MASP2: variants seen among roughly 807,000 people sequenced by gnomAD.
MASP2 encodes MBL associated serine protease 2.
A neutral mutation model predicts 57.1 loss-of-function variants in MASP2; 49 were observed. The ratio of observed to expected loss-of-function variants is 0.86; its 90% CI spans 0.68 to 1.09. MASP2 has a LOEUF of 1.09. Ranked by LOEUF, MASP2 falls within the 50% of genes least tolerant of loss-of-function variation. The pLI, the probability that MASP2 is intolerant of heterozygous loss-of-function variation, is 0.00. For synonymous variants in MASP2, 379 were observed against 340.8 expected, an observed-to-expected ratio of 1.11 and a Z score of -1.24; for missense variants, 900 against 874.8, an observed-to-expected ratio of 1.03 and a Z score of -0.36.
rs184685272 is a variant in MASP2 at position 11,033,139 on chromosome 1, A to G, written c.1087+1689T>C. On this transcript the variant is annotated intron_variant, in intron 8 of 10. Transcript: ENST00000400897. ...AGGGCGGGAGTTCGAGACCAGCCTG[A>G]CCAACATGGAGAAACCCCGTCTCTA... 6.3e-3 allele frequency among the ~76,000 whole-genome samples: 952 copies of G among 150,220 alleles called. 20 individuals carry two copies. The East Asian group carries it at 0.084, about 13-fold the overall frequency.
At chr1:11,045,584 G>A in intron 3 of MASP2, 45 bp from the exon 4 acceptor site, 1 of 1,561,812 alleles carries the variant, frequency 6.4e-7, no homozygotes, top group Non-Finnish European at 8.6e-7. Flanking sequence ...AGGGAAAGAG[G>A]CGGGATCCAG....
At chr1:11,039,150 C>T (rs901057795) in intron 6 of MASP2, among the ~76,000 whole-genome samples, 5 of 152,234 alleles carry the variant, frequency 3.3e-5, no homozygotes, top group Non-Finnish European at 7.3e-5. Flanking sequence ...GTGAGGTCCT[C>T]CTTTGGACTC....
At position 11,030,173 on chromosome 1, in the gene MASP2, T is replaced by G. The variant is rs1395777165; in HGVS notation, c.1297+3A>C. On this transcript the variant is annotated splice_donor_region_variant and intron_variant, in intron 10 of 10. Coordinates refer to ENST00000400897, the MANE Select transcript of MASP2 (RefSeq NM_006610.4). ...CAGTCTCTTGTATAAATGTATCCAT[T>G]ACCAGGCTCACAGACTGGGAGTGAT... 2 of 1,607,972 alleles carry G rather than the reference T, an allele frequency of 1.2e-6. No homozygotes were observed. Among genetic ancestry groups the G allele is most frequent in the African/African-American group, 2.7e-5 (2 of 74,796 alleles).
At chr1:11,038,312 G>T (rs1334153801) in intron 6 of MASP2, among the ~76,000 whole-genome samples, 4 of 152,196 alleles carry the variant, frequency 2.6e-5, no homozygotes, top group Non-Finnish European at 1.5e-5. Context: ...CTGTTGTGAA[G>T]ATCAAATACA....
chr1:11,046,873 C>T lies in MASP2; in HGVS notation c.234+18G>A, dbSNP rs748312996. Reference sequence around the variant, plus strand: ...CCCCCGACCCTGAGAAACCCCAGCCCTCCCGTCCTGACGGCACCTTGACGA... The same window carrying T: ...CCCCCGACCCTGAGAAACCCCAGCCTTCCCGTCCTGACGGCACCTTGACGA... On this transcript the variant is annotated intron_variant, in intron 2 of 10. Coordinates refer to ENST00000400897, the MANE Select transcript of MASP2 (RefSeq NM_006610.4). 1.9e-6 allele frequency: 3 copies of T among 1,557,146 alleles called. No homozygotes were observed. Among genetic ancestry groups the T allele is most frequent in the Non-Finnish European group, 2.6e-6 (3 of 1,149,780 alleles).
intron 10 of MASP2, among the ~76,000 whole-genome samples, chr1:11,027,872 T>C (rs540911658): frequency 6.6e-6 from 1 of 152,222 alleles, no homozygotes; most frequent in Non-Finnish European, 1.5e-5. Flanking sequence ...AAAATGAGAT[T>C]AGTGAAAACT....
At position 11,033,965 on chromosome 1, in the gene MASP2, A is replaced by ACTCT. The variant is rs796583650; in HGVS notation, c.1087+859_1087+862dup. On this transcript the variant is annotated intron_variant, in intron 8 of 10. Transcript: ENST00000400897. ...CACACACACACACACACACACACAC[A>ACTCT]CTCTCTCTCTCTCTCTCTCTCACAC... Among the ~76,000 whole-genome samples the ACTCT allele has an allele frequency of 8.4e-4, 13 of 15,474 alleles. No homozygotes were observed. The East Asian group carries it at 8.5e-3, about 10-fold the overall frequency. The allele number at this position is 15,474 out of a possible 152,430, so 10.2% of individuals were successfully genotyped here. A position where few individuals can be genotyped will look rare whatever the true frequency, so the allele number is the denominator to read the frequency against.
At chr1:11,027,759 A>C in intron 10 of MASP2, 111 bp from the exon 11 acceptor site, 1 of 1,167,970 alleles carries the variant, frequency 8.6e-7, no homozygotes, top group Non-Finnish European at 1.2e-6. Flanking sequence ...AAATTATATT[A>C]CATGAATTGG....
chr1:11,030,113 C>G lies in MASP2; in HGVS notation c.1297+63G>C, dbSNP rs951397507. ...CCTACCACAGCTAAAGCTCTCCTCACTGTCTCCTACCCAGTCCTCCTTTCC... is the reference window on the plus strand; with the variant it reads ...CCTACCACAGCTAAAGCTCTCCTCAGTGTCTCCTACCCAGTCCTCCTTTCC... On this transcript the variant is annotated intron_variant, in intron 10 of 10. Coordinates refer to ENST00000400897, the MANE Select transcript of MASP2 (RefSeq NM_006610.4). The G allele has an allele frequency of 4.9e-6, 6 of 1,217,984 alleles. No homozygotes were observed. In the African/African-American group the frequency reaches 9.1e-5, roughly 18 times the overall value. The allele number at this position is 1,217,984 out of a possible 1,614,324, so 75.4% of individuals were successfully genotyped here.
intron 7 of MASP2, among the ~76,000 whole-genome samples, 178 bp downstream of exon 7, chr1:11,037,515 A>T (rs1052974327): frequency 6.6e-6 from 1 of 152,218 alleles, no homozygotes; most frequent in African/African-American, 2.4e-5. Flanking sequence ...CATTTTCCAT[A>T]GCCATCCTTT....
chr1:11,044,816 A>T, intron 4 of MASP2: 1 of 1,400,262 alleles, frequency 7.1e-7, no homozygotes, highest in East Asian at 3.5e-5. Context: ...GGCCAGGTTT[A>T]TTATTGGGTC....
In MASP2 at chr1:11,027,607, C is replaced by T; in HGVS notation, c.1339G>A (p.Gly447Arg). 1 of 1,614,004 alleles carries T rather than the reference C, an allele frequency of 6.2e-7. No individual in the cohort carries two copies. The highest frequency in any genetic ancestry group is 1.1e-5 in the South Asian group (1 of 91,050). The change falls in exon 11 of 11, where the codon GGA (glycine) becomes AGA (arginine). Residue 447 changes from glycine (G) to arginine (R), a missense_variant. Physicochemically the swap from Gly to Arg is moderately radical, Grantham distance 125. Transcript: ENST00000400897. The stretch of plus-strand genomic sequence containing the variant: ...TCACCAGGTTTTGCCTTTTGCCCTC[C>T]ATATATACGCCCTCCTGTTGTGCGG... ...SARTTGGRIY[G>R]GQKAKPGDFP... is the part of the protein sequence containing the mutation.
chr1:11,030,122 A>T, intron 10 of MASP2, 54 bp downstream of exon 10: 1 of 1,333,562 alleles, frequency 7.5e-7, no homozygotes, highest in Non-Finnish European at 1.1e-6. Context: ...ACTGTCTCCT[A>T]CCCAGTCCTC....
Position 11,046,925 on chromosome 1 carries a change from T to C in MASP2, c.200A>G (p.Glu67Gly). ...LRLYFTHFDL[E>G]LSHLCEYDFV... is the part of the protein sequence containing the mutation. ...GTCGTACTCGCAGAGGTGGGAGAGC[T>C]CCAGGTCGAAGTGGGTGAAGTAGAG... The change falls in exon 2 of 11, where the codon GAG becomes GGG. Residue 67 changes from glutamate to glycine, a missense_variant. Transcript: ENST00000400897. 6.4e-7 allele frequency: 1 copy of C among 1,572,324 alleles called. No individual in the cohort carries two copies. The highest frequency in any genetic ancestry group is 8.6e-7 in the Non-Finnish European group (1 of 1,158,640).
chr1:11,029,327 A>G (rs901698742), intron 10 of MASP2, among the ~76,000 whole-genome samples: 2 of 148,986 alleles, frequency 1.3e-5, no homozygotes, highest in Non-Finnish European at 3.0e-5. Context: ...ATCATTCTAC[A>G]GAGGGGGAGG....
At chr1:11,037,553 T>G in intron 7 of MASP2, 140 bp downstream of exon 7, 1 of 552,312 alleles carries the variant, frequency 1.8e-6, no homozygotes, top group Non-Finnish European at 3.1e-6. Flanking sequence ...ATTTCTTGGC[T>G]TTTTATCATT....
At chr1:11,036,042 C>T (rs961390424) in intron 7 of MASP2, among the ~76,000 whole-genome samples, 4 of 152,126 alleles carry the variant, frequency 2.6e-5, no homozygotes, top group East Asian at 3.8e-4. Context: ...TTGTGAGCTT[C>T]GTCTGTGTGC....
intron 10 of MASP2, among the ~76,000 whole-genome samples, chr1:11,027,859 C>T (rs1643765961): frequency 6.6e-6 from 1 of 152,204 alleles, no homozygotes; most frequent in South Asian, 2.1e-4. Flanking sequence ...CTTAGCTCCT[C>T]AGAAAATGAG....
chr1:11,034,566 C>T (rs1401320479), intron 8 of MASP2, among the ~76,000 whole-genome samples: 1 of 151,746 alleles, frequency 6.6e-6, no homozygotes, highest in Non-Finnish European at 1.5e-5. Flanking sequence ...GGCGTGGTGT[C>T]AGGTGCCTGT....
Sources: allele counts gnomAD v4.1 joint callset (sites outside exome capture counted in the v4.1 genomes callset), GRCh38; gene constraint gnomAD v4.1.1; transcripts MANE v1.5; gene names NCBI Gene and HGNC (gene_info 2026-07-23, HGNC 2026-07-21).